Variants in RTN1 observed in about 807,000 individuals in gnomAD.
RTN1 encodes the protein reticulon 1.
A neutral mutation model predicts 65.5 loss-of-function variants in RTN1; 25 were observed. The ratio of observed to expected loss-of-function variants is 0.38; its 90% CI spans 0.28 to 0.53. The LOEUF (loss-of-function observed/expected upper bound fraction) is 0.53. Among genes scored for constraint, RTN1 ranks in the 20% least tolerant of loss-of-function variants. The probability of loss-of-function intolerance (pLI) is 0.79; values close to 1 mark genes in which losing one functional copy is unlikely to be tolerated. For missense variants in RTN1, 983 were observed against 1,025.4 expected (o/e 0.96, Z 0.57); for synonymous variants, 471 against 447.6 (o/e 1.05, Z -0.66).
chr14:59,729,585 G>A (rs1477516471), intron 2 of RTN1, among the ~76,000 whole-genome samples: 2 of 152,192 alleles, frequency 1.3e-5, no homozygotes, highest in East Asian at 3.8e-4. Context: ...TGGTTGACTA[G>A]AGCACGGAGA....
intron 1 of RTN1, among the ~76,000 whole-genome samples, chr14:59,807,259 T>C (rs540849040): frequency 2.0e-5 from 3 of 152,286 alleles, no homozygotes; most frequent in Admixed American, 6.5e-5. Flanking sequence ...CTACCTACTA[T>C]AGCCAAAGGA....
chr14:59,819,775 T>C (rs1183677739), intron 1 of RTN1, among the ~76,000 whole-genome samples: 2 of 152,082 alleles, frequency 1.3e-5, no homozygotes, highest in Non-Finnish European at 2.9e-5. Context: ...CCTACAGTGC[T>C]GGGGGACCCG....
chr14:59,837,115 G>A (rs1299114852), intron 1 of RTN1, among the ~76,000 whole-genome samples: 2 of 151,954 alleles, frequency 1.3e-5, no homozygotes, highest in Non-Finnish European at 2.9e-5. Flanking sequence ...AGTATACAAT[G>A]AGTATAGTAC....
At position 59,816,890 on chromosome 14, in the gene RTN1, G is replaced by A. The variant is rs778796710; in HGVS notation, c.241+53500C>T. Among the ~76,000 whole-genome samples, 6 of 152,114 alleles carry A rather than the reference G, an allele frequency of 3.9e-5. No individual in the cohort carries two copies. Among genetic ancestry groups the A allele is most frequent in the Admixed American group, 6.5e-5 (1 of 15,276 alleles). ...GGAGGTTGCAGTGAGTCGAGATCGC[G>A]CCACTGTACTCCAGCCTGGGTGACA... On this transcript the variant is annotated intron_variant, in intron 1 of 8. Transcript: ENST00000267484. This position sits in a 1 kb window ranked among gnomAD's most constrained non-coding sequence, Gnocchi z 4.3.
intron 1 of RTN1, among the ~76,000 whole-genome samples, chr14:59,768,046 CAA>C (rs1483776373): frequency 6.6e-6 from 1 of 152,174 alleles, no homozygotes; most frequent in Non-Finnish European, 1.5e-5. Context: ...TGAAAACTAT[CAA>C]GTTTGTTATA....
At chr14:59,748,759 T>G (rs558880568) in intron 1 of RTN1, among the ~76,000 whole-genome samples, 1 of 147,060 alleles carries the variant, frequency 6.8e-6, no homozygotes, top group African/African-American at 2.7e-5. Flanking sequence ...TAGTAGGTAC[T>G]CAATACATAT....
chr14:59,758,517 C>A (rs982404216), intron 1 of RTN1, among the ~76,000 whole-genome samples: 2 of 152,164 alleles, frequency 1.3e-5, no homozygotes, highest in Non-Finnish European at 2.9e-5. Flanking sequence ...CCCTTCTCCT[C>A]AATTGAAAGG....
chr14:59,709,815 T>C (rs1180177238), intron 3 of RTN1, among the ~76,000 whole-genome samples: 3 of 152,154 alleles, frequency 2.0e-5, no homozygotes, highest in Admixed American at 6.5e-5. Flanking sequence ...GTCTATCTAC[T>C]CTAAAGAGGC....
At chr14:59,773,609 C>T (rs186770921) in intron 1 of RTN1, among the ~76,000 whole-genome samples, 2 of 151,786 alleles carry the variant, frequency 1.3e-5, no homozygotes, top group Non-Finnish European at 2.9e-5. Context: ...GTCTTTCCAT[C>T]AAGTTAAGAA....
chr14:59,601,877 G>T (rs1263627781), intron 8 of RTN1, among the ~76,000 whole-genome samples: 1 of 152,082 alleles, frequency 6.6e-6, no homozygotes, highest in Admixed American at 6.6e-5. Context: ...ACTGTGCTAT[G>T]ATACCATTTC....
rs138745698 is a variant in RTN1 at position 59,816,234 on chromosome 14, G to GACAC, written c.241+54152_241+54155dup. Among the ~76,000 whole-genome samples the GACAC allele has an allele frequency of 6.6e-6, 1 of 150,948 alleles. No individual in the cohort carries two copies. Among genetic ancestry groups the GACAC allele is most frequent in the East Asian group, 1.9e-4 (1 of 5,174 alleles). ...AAGCTTGCGTGCGTGCACACACACA[G>GACAC]ACACACACACACACTAGTTACTCAG... On this transcript the variant is annotated intron_variant, in intron 1 of 8. Coordinates refer to ENST00000267484, the MANE Select transcript of RTN1 (RefSeq NM_021136.3). The surrounding 1 kb of genome is among the most constrained non-coding windows in gnomAD (Gnocchi z 4.3).
rs115674969 is a variant in RTN1 at position 59,709,830 on chromosome 14, C to T, written c.1765+17089G>A. Reference sequence around the variant, plus strand: ...GTCTATCTACTCTAAAGAGGCAATTCCATGTTTATCACGGGAAGAACATAA... The same window carrying T: ...GTCTATCTACTCTAAAGAGGCAATTTCATGTTTATCACGGGAAGAACATAA... On this transcript the variant is annotated intron_variant, in intron 3 of 8. Coordinates refer to ENST00000267484, the MANE Select transcript of RTN1 (RefSeq NM_021136.3). 2.9e-3 allele frequency among the ~76,000 whole-genome samples: 444 copies of T among 152,272 alleles called. 4 individuals are homozygous for T. The highest frequency in any genetic ancestry group is 9.5e-3 in the African/African-American group (394 of 41,540).
In RTN1 at chr14:59,745,944, A is replaced by G. The variant is rs1460176471; in HGVS notation, c.779T>C (p.Phe260Ser). 6.2e-7 allele frequency: 1 copy of G among 1,613,958 alleles called. No individual in the cohort carries two copies. The highest frequency in any genetic ancestry group is 8.5e-7 in the Non-Finnish European group (1 of 1,180,018). The change falls in exon 2 of 9, where the codon TTT (phenylalanine) becomes TCT (serine). Residue 260 changes from phenylalanine (F) to serine (S), a missense_variant. This residue lies in a region of RTN1 where 818 missense variants were observed against 801.8 expected (regional missense o/e 1.02). Transcript: ENST00000267484. Reference protein sequence around the residue: ...IKDHLLEESTFAPYIDDLSEE... With the variant: ...IKDHLLEESTSAPYIDDLSEE... ...AGAGAGATCATCTATGTATGGAGCAAATGTGGATTCTTCCAATAAATGGTC... is the reference window on the plus strand; with the variant it reads ...AGAGAGATCATCTATGTATGGAGCAGATGTGGATTCTTCCAATAAATGGTC...
chr14:59,632,401 T>C (rs1443623810), intron 3 of RTN1, among the ~76,000 whole-genome samples: 2 of 152,226 alleles, frequency 1.3e-5, no homozygotes, highest in Non-Finnish European at 2.9e-5. Flanking sequence ...TATATGATGA[T>C]AGCCTGATCA....
chr14:59,663,404 T>A (rs1266730664), intron 3 of RTN1, among the ~76,000 whole-genome samples: 1 of 152,022 alleles, frequency 6.6e-6, no homozygotes, highest in Non-Finnish European at 1.5e-5. Context: ...GGCAATACCA[T>A]TCAGGACATA....
chr14:59,771,329 G>A (rs190452594), intron 1 of RTN1, among the ~76,000 whole-genome samples: 135 of 152,282 alleles, frequency 8.9e-4, no homozygotes, highest in Admixed American at 2.4e-3. Flanking sequence ...GGTTGACTAA[G>A]AATAAGCAGA....
At chr14:59,686,604 G>T (rs751636511) in intron 3 of RTN1, among the ~76,000 whole-genome samples, 5 of 152,186 alleles carry the variant, frequency 3.3e-5, no homozygotes, top group Non-Finnish European at 7.3e-5. Context: ...AGATCTCTAG[G>T]AGGAAAACGT....
At chr14:59,720,881 A>G (rs1323649290) in intron 3 of RTN1, among the ~76,000 whole-genome samples, 1 of 152,166 alleles carries the variant, frequency 6.6e-6, no homozygotes, top group Non-Finnish European at 1.5e-5. Flanking sequence ...GTGGAGGGGC[A>G]TAGAGCTCAA....
intron 3 of RTN1, among the ~76,000 whole-genome samples, chr14:59,719,942 A>G (rs79519748): frequency 0.039 from 5,886 of 152,232 alleles, 377 homozygotes; most frequent in African/African-American, 0.13. Flanking sequence ...AGGCATAAAA[A>G]TGTTTGCTGC....
Sources: allele counts gnomAD v4.1 joint callset (sites outside exome capture counted in the v4.1 genomes callset), GRCh38; gene constraint gnomAD v4.1.1; regional missense constraint gnomAD v4.1.1; non-coding constraint Gnocchi (gnomAD v3.1); transcripts MANE v1.5; gene names NCBI Gene and HGNC (gene_info 2026-07-23, HGNC 2026-07-21).